Variants in CLVS1 observed in about 807,000 individuals in gnomAD.
CLVS1 encodes clavesin-1.
Under a neutral mutation model 33.1 loss-of-function variants are expected in CLVS1, and 10 were observed. The ratio of observed to expected loss-of-function variants is 0.30; its 90% CI spans 0.19 to 0.51. The LOEUF is 0.51. Among genes scored for constraint, CLVS1 ranks in the 20% least tolerant of loss-of-function variants. The probability of loss-of-function intolerance (pLI) is 0.97; values close to 1 mark genes in which losing one functional copy is unlikely to be tolerated. For synonymous variants in CLVS1, 163 were observed against 166.1 expected, an observed-to-expected ratio of 0.98 and a Z score of 0.14; for missense variants, 343 against 433.4, an observed-to-expected ratio of 0.79 and a Z score of 1.85.
chr8:61,049,534 C>A, the CLVS1 span, among the ~76,000 whole-genome samples: 1 of 152,132 alleles, frequency 6.6e-6, no homozygotes, highest in Non-Finnish European at 1.5e-5. Context: ...AGGAAAGTCA[C>A]CTTTACCACA....
chr8:61,304,416 T>C (rs1810543247), intron 2 of CLVS1, among the ~76,000 whole-genome samples: 1 of 152,212 alleles, frequency 6.6e-6, no homozygotes, highest in Non-Finnish European at 1.5e-5. Context: ...GAGAGCTAAC[T>C]GACTTCTTCA....
intron 1 of CLVS1, among the ~76,000 whole-genome samples, chr8:61,087,649 C>G (rs1010515): frequency 0.52 from 78,355 of 151,954 alleles, 21,474 homozygotes; most frequent in East Asian, 0.71. Flanking sequence ...TTTCTGATTT[C>G]AGTCAAATAA....
chr8:61,464,089 A>C (rs1405320254), intron 5 of CLVS1, among the ~76,000 whole-genome samples: 215 of 16,694 alleles, frequency 0.013, no homozygotes, highest in Non-Finnish European at 0.12. Context: ...ACTCTGTCTC[A>C]AAAAAAAAAA....
chr8:60,982,423 TCTTC>T, the CLVS1 span, among the ~76,000 whole-genome samples: 1 of 152,250 alleles, frequency 6.6e-6, no homozygotes, highest in Non-Finnish European at 1.5e-5. Flanking sequence ...TAATAGGGTC[TCTTC>T]CTTTCTCAGT....
chr8:61,368,167 T>C (rs1230820766), intron 2 of CLVS1, among the ~76,000 whole-genome samples: 1 of 152,228 alleles, frequency 6.6e-6, no homozygotes, highest in African/African-American at 2.4e-5. Flanking sequence ...TCTAGGGAAA[T>C]TAACTGTAAA....
chr8:61,271,354 G>A (rs1809434268), intron 2 of CLVS1, among the ~76,000 whole-genome samples: 1 of 150,494 alleles, frequency 6.6e-6, no homozygotes, highest in Admixed American at 6.6e-5. Context: ...CTGAGTTCTA[G>A]TTTGATTGCA....
intron 3 of CLVS1, chr8:61,378,191 T>C (rs560051688): frequency 6.6e-6 from 1 of 152,254 alleles, no homozygotes; most frequent in Non-Finnish European, 1.5e-5. Flanking sequence ...TTACCTTTTT[T>C]AAAAAAGATA....
At chr8:61,105,299 C>T (rs561023674) in intron 1 of CLVS1, among the ~76,000 whole-genome samples, 1 of 152,366 alleles carries the variant, frequency 6.6e-6, no homozygotes, top group Admixed American at 6.5e-5. Context: ...AGCTTACACA[C>T]ATACACATAC....
In CLVS1 at chr8:61,376,600, T is replaced by C. The variant is rs766233618; in HGVS notation, c.456-5T>C. ...ACACAGCTCTCCTTTCTGCTCTGGC[T>C]GCAGGAACTCCTTCACAGACATCCT... On this transcript the variant is annotated splice_polypyrimidine_tract_variant and splice_region_variant and intron_variant, in intron 2 of 5. Transcript: ENST00000325897. The C allele has an allele frequency of 1.2e-6, 2 of 1,612,832 alleles. No individual in the cohort carries two copies. Among genetic ancestry groups the C allele is most frequent in the Admixed American group, 3.3e-5 (2 of 59,978 alleles).
the CLVS1 span, among the ~76,000 whole-genome samples, chr8:61,044,464 G>A: frequency 1.3e-5 from 2 of 151,940 alleles, no homozygotes; most frequent in Admixed American, 1.3e-4. Flanking sequence ...TCCTGGATTG[G>A]GCTTGAGCAG....
At chr8:61,489,019 A>G (rs1803973724) in intron 5 of CLVS1, among the ~76,000 whole-genome samples, 1 of 152,224 alleles carries the variant, frequency 6.6e-6, no homozygotes, top group Non-Finnish European at 1.5e-5. Flanking sequence ...ATTTGGGTGA[A>G]TGCAGTACAT....
At chr8:61,283,549 C>T (rs1809717829), upstream of CLVS1, among the ~76,000 whole-genome samples, 1 of 152,184 alleles carries the variant, frequency 6.6e-6, no homozygotes, top group Non-Finnish European at 1.5e-5. Flanking sequence ...ATGATGTACA[C>T]CACTTCTAGG....
chr8:61,057,858 T>G (rs1804507216), intron 1 of CLVS1, among the ~76,000 whole-genome samples: 1 of 152,180 alleles, frequency 6.6e-6, no homozygotes, highest in African/African-American at 2.4e-5. Flanking sequence ...CTAGAAAGAT[T>G]CCAAAGCATC....
At chr8:61,117,446 C>T (rs1459404155) in intron 1 of CLVS1, among the ~76,000 whole-genome samples, 128 of 151,784 alleles carry the variant, frequency 8.4e-4, no homozygotes, top group Non-Finnish European at 1.4e-3. Flanking sequence ...CCCTGTCTTG[C>T]GCCAGTTTTC....
chr8:61,153,269 A>G (rs904317596), intron 2 of CLVS1, among the ~76,000 whole-genome samples: 2 of 152,228 alleles, frequency 1.3e-5, no homozygotes, highest in African/African-American at 4.8e-5. Flanking sequence ...AAATGGACAG[A>G]TTTGCATTTT....
At chr8:61,121,035 C>T (rs1013473103) in intron 1 of CLVS1, among the ~76,000 whole-genome samples, 13 of 151,306 alleles carry the variant, frequency 8.6e-5, no homozygotes, top group African/African-American at 2.9e-4. Context: ...ACTCCGTGGG[C>T]GTAGGACCCT....
chr8:61,497,133 G>A (rs1470813314), intron 5 of CLVS1, among the ~76,000 whole-genome samples: 1 of 152,138 alleles, frequency 6.6e-6, no homozygotes, highest in East Asian at 1.9e-4. Flanking sequence ...GGGTCCTCAA[G>A]ACCACCCTTT....
intron 2 of CLVS1, among the ~76,000 whole-genome samples, chr8:61,191,743 G>A (rs577226423): frequency 6.6e-6 from 1 of 152,238 alleles, no homozygotes; most frequent in East Asian, 1.9e-4. Flanking sequence ...CAGACAAACA[G>A]AGAGCCAAAT....
the CLVS1 span, among the ~76,000 whole-genome samples, chr8:60,983,663 G>A: frequency 3.9e-5 from 6 of 152,190 alleles, no homozygotes; most frequent in Non-Finnish European, 5.9e-5. Context: ...TGATGTCTGA[G>A]TGCTGCACCC....
Sources: allele counts gnomAD v4.1 joint callset (sites outside exome capture counted in the v4.1 genomes callset), GRCh38; gene constraint gnomAD v4.1.1; transcripts MANE v1.5; gene names NCBI Gene and HGNC (gene_info 2026-07-23, HGNC 2026-07-21).